The following ANXA8 variants were observed in gnomAD, a reference collection of about 807,000 sequenced individuals.
ANXA8 encodes VAC-beta.
In ANXA8, 9 loss-of-function variants were observed where a neutral mutation model predicts 26.8. The ratio of observed to expected loss-of-function variants is 0.34; its 90% confidence interval spans 0.20 to 0.59. The LOEUF is 0.59. Among genes scored for constraint, ANXA8 ranks in the 20% least tolerant of loss-of-function variants. ANXA8 has a pLI of 0.84. For missense variants in ANXA8, 83 were observed against 238.5 expected (o/e 0.35, Z 4.29); for synonymous variants, 39 against 94.8 (o/e 0.41, Z 3.42).
chr10:47,986,249 G>A, the ANXA8 span: 1 of 153,458 alleles, frequency 6.5e-6, no homozygotes, highest in Non-Finnish European at 1.4e-5. Flanking sequence ...GAAGTTTGTG[G>A]ATGTGTATGC....
the ANXA8 span, among the ~76,000 whole-genome samples, chr10:47,945,530 G>T: frequency 8.5e-4 from 127 of 149,490 alleles, no homozygotes; most frequent in Non-Finnish European, 1.3e-3. Context: ...ATGGGCCTAC[G>T]TCAGCTCCAG....
the ANXA8 span, among the ~76,000 whole-genome samples, chr10:47,500,474 C>T: frequency 8.4e-4 from 128 of 151,644 alleles, 1 homozygote; most frequent in Middle Eastern, 6.8e-3. Flanking sequence ...GTCTGGCATT[C>T]GGAAAACCAC....
chr10:47,557,003 CTTTTTT>C, the ANXA8 span, among the ~76,000 whole-genome samples: 1 of 113,436 alleles, frequency 8.8e-6, no homozygotes, highest in Admixed American at 9.6e-5. Context: ...TATTTTCTTT[CTTTTTT>C]TTTTTTTTTT....
chr10:47,535,754 G>T, the ANXA8 span, among the ~76,000 whole-genome samples: 1 of 49,514 alleles, frequency 2.0e-5, no homozygotes, highest in African/African-American at 1.1e-4. Context: ...GATGTCCACA[G>T]ATTCCTAGAA....
At chr10:47,946,650 C>T in the ANXA8 span, among the ~76,000 whole-genome samples, 1 of 150,576 alleles carries the variant, frequency 6.6e-6, no homozygotes, top group African/African-American at 2.4e-5. Flanking sequence ...AAGGAGAAGT[C>T]TGAAGACAGG....
the ANXA8 span, among the ~76,000 whole-genome samples, chr10:47,735,006 T>A: frequency 8.1e-6 from 1 of 123,010 alleles, no homozygotes; most frequent in African/African-American, 3.6e-5. Flanking sequence ...GGTGACAGAG[T>A]GAGACTCTGT....
At chr10:47,599,359 G>A in the ANXA8 span, among the ~76,000 whole-genome samples, 1 of 145,198 alleles carries the variant, frequency 6.9e-6, no homozygotes, top group Non-Finnish European at 1.5e-5. Context: ...GGTGAGTTTT[G>A]TTTTATAGAC....
At chr10:47,606,654 T>C in the ANXA8 span, among the ~76,000 whole-genome samples, 1 of 148,628 alleles carries the variant, frequency 6.7e-6, no homozygotes, top group African/African-American at 2.6e-5. Context: ...GGGAGCTAAA[T>C]GATGAGAACA....
chr10:47,558,205 T>G, the ANXA8 span, among the ~76,000 whole-genome samples: 2 of 152,118 alleles, frequency 1.3e-5, no homozygotes, highest in East Asian at 3.9e-4. Context: ...TACGTCATTC[T>G]GTCCCTAGCC....
At chr10:47,595,154 A>G in the ANXA8 span, among the ~76,000 whole-genome samples, 1 of 148,322 alleles carries the variant, frequency 6.7e-6, no homozygotes, top group South Asian at 2.1e-4. Context: ...AAACATTCAT[A>G]TTCTTCAAAA....
chr10:47,942,095 C>A, the ANXA8 span, among the ~76,000 whole-genome samples: 2 of 147,458 alleles, frequency 1.4e-5, no homozygotes, highest in Admixed American at 6.7e-5. Context: ...CTTATACATT[C>A]ACAGAAGCAA....
the ANXA8 span, chr10:47,696,392 T>TC: frequency 8.3e-7 from 1 of 1,211,430 alleles, no homozygotes; most frequent in African/African-American, 1.7e-5. Flanking sequence ...AATGTTTTTT[T>TC]CTCTCTCTAG....
At chr10:47,502,209 C>T in the ANXA8 span, 4 of 1,550,538 alleles carry the variant, frequency 2.6e-6, no homozygotes, top group Admixed American at 1.8e-5. Context: ...TCAGGAGCTG[C>T]TCCAGGACCA....
chr10:47,892,591 G>A, the ANXA8 span, among the ~76,000 whole-genome samples: 2 of 148,474 alleles, frequency 1.3e-5, no homozygotes, highest in East Asian at 1.9e-4. Context: ...AGCAGTGCCC[G>A]ACCTGTCAGC....
At chr10:47,645,172 C>T in the ANXA8 span, among the ~76,000 whole-genome samples, 1 of 150,628 alleles carries the variant, frequency 6.6e-6, no homozygotes, top group Non-Finnish European at 1.5e-5. Flanking sequence ...TATTTTTAGA[C>T]AATTTTCTAA....
chr10:47,744,637 A>G, the ANXA8 span, among the ~76,000 whole-genome samples: 3 of 151,902 alleles, frequency 2.0e-5, no homozygotes, highest in Admixed American at 1.3e-4. Flanking sequence ...TCCTAGGCAA[A>G]TATCACAATC....
the ANXA8 span, among the ~76,000 whole-genome samples, chr10:47,682,752 G>T: frequency 6.6e-6 from 1 of 151,998 alleles, no homozygotes; most frequent in African/African-American, 2.4e-5. Flanking sequence ...TTACAGGCAT[G>T]ACCCACTGCA....
the ANXA8 span, among the ~76,000 whole-genome samples, chr10:47,701,328 A>T: frequency 1.3e-5 from 2 of 151,672 alleles, no homozygotes; most frequent in Non-Finnish European, 2.9e-5. Flanking sequence ...ACAAAATTAC[A>T]TATGTACTTA....
the ANXA8 span, among the ~76,000 whole-genome samples, chr10:47,894,706 A>G: frequency 6.6e-6 from 1 of 152,070 alleles, no homozygotes; most frequent in Non-Finnish European, 1.5e-5. Context: ...ACATACTAAC[A>G]CCCCATACAG....
Sources: gnomAD v4.1 joint callset for allele counts (sites outside exome capture counted in the v4.1 genomes callset) on GRCh38, gnomAD v4.1.1 for gene constraint, MANE v1.5 for transcripts, NCBI Gene and HGNC (gene_info 2026-07-23, HGNC 2026-07-21) for gene names.